The following WFDC1 variants were observed in gnomAD, a reference collection of about 807,000 sequenced individuals.
WFDC1 encodes the protein WAP four-disulfide core domain 1.
Under a neutral mutation model 32.9 loss-of-function variants are expected in WFDC1, and 39 were observed. The ratio of observed to expected loss-of-function variants is 1.19; its 90% CI spans 0.92 to 1.55. WFDC1 has a LOEUF of 1.55. WFDC1 is among the 40% of genes most tolerant of loss of function. WFDC1 has a pLI of 0.00. For missense variants in WFDC1, 386 were observed against 309.5 expected (o/e 1.25, Z -1.85); for synonymous variants, 184 against 137.4 (o/e 1.34, Z -2.37).
intron 2 of WFDC1, among the ~76,000 whole-genome samples, chr16:84,314,644 C>G (rs1597682174): frequency 6.6e-6 from 1 of 152,338 alleles, no homozygotes; most frequent in South Asian, 2.1e-4. Context: ...TAATGCTCAT[C>G]AAGACAGACA....
At chr16:84,298,347 G>A (rs1043993909) in intron 1 of WFDC1, among the ~76,000 whole-genome samples, 1 of 152,010 alleles carries the variant, frequency 6.6e-6, no homozygotes, top group African/African-American at 2.4e-5. Context: ...CGCCCGCCTC[G>A]GCCTCCCAAA....
chr16:84,323,113 C>T (rs1196208465), intron 4 of WFDC1, among the ~76,000 whole-genome samples: 1 of 152,158 alleles, frequency 6.6e-6, no homozygotes, highest in Middle Eastern at 3.2e-3. Flanking sequence ...CTACAAAAAC[C>T]TTAGCCATTT....
chr16:84,311,405 T>A (rs1007903266), intron 1 of WFDC1, among the ~76,000 whole-genome samples: 1 of 147,146 alleles, frequency 6.8e-6, no homozygotes, highest in Non-Finnish European at 1.5e-5. Flanking sequence ...TTTTTTTGTA[T>A]TTTTAGTAGA....
chr16:84,314,985 C>T (rs1007680757), intron 2 of WFDC1, among the ~76,000 whole-genome samples: 2 of 152,232 alleles, frequency 1.3e-5, no homozygotes, highest in African/African-American at 4.8e-5. Flanking sequence ...GTTATCAGCC[C>T]TGTGTCACAA....
chr16:84,325,454 C>T (rs546944761), intron 5 of WFDC1, among the ~76,000 whole-genome samples: 11 of 152,146 alleles, frequency 7.2e-5, no homozygotes, highest in African/African-American at 2.2e-4. Flanking sequence ...CTGCCCGCCT[C>T]GGCCTCCCAA....
chr16:84,317,988 C>T (rs1422927007), intron 2 of WFDC1: 5 of 345,052 alleles, frequency 1.4e-5, no homozygotes, highest in South Asian at 9.7e-5. Context: ...CAGAGAGCCC[C>T]GATTGGAGGG....
In WFDC1 at chr16:84,326,869, GTTC is replaced by G; in HGVS notation, c.605-10_605-8del. 3.1e-6 allele frequency: 5 copies of G among 1,614,056 alleles called. No individual in the cohort carries two copies. The highest frequency in any genetic ancestry group is 3.4e-6 in the Non-Finnish European group (4 of 1,179,996). On this transcript the variant is annotated splice_polypyrimidine_tract_variant and intron_variant, in intron 5 of 6. Coordinates refer to ENST00000219454, the MANE Select transcript of WFDC1 (RefSeq NM_021197.4). ...GATACATCTACCCCAACAGAGCTGT[GTTC>G]TTTTCACAGAAGGTGACTCAAAGAA... is the stretch of plus-strand genomic sequence containing the variant.
At chr16:84,314,541 G>T (rs1907839212) in intron 2 of WFDC1, among the ~76,000 whole-genome samples, 1 of 152,096 alleles carries the variant, frequency 6.6e-6, no homozygotes, top group Non-Finnish European at 1.5e-5. Flanking sequence ...GTCAGAGATG[G>T]CAAGGATGAC....
chr16:84,295,728 GC>G (rs1906556477), intron 1 of WFDC1: 1 of 152,936 alleles, frequency 6.5e-6, no homozygotes, highest in Admixed American at 6.5e-5. Flanking sequence ...ATGCCCTGGG[GC>G]CAGATGTCTG....
At chr16:84,300,692 A>G (rs1048434108) in intron 1 of WFDC1, among the ~76,000 whole-genome samples, 26 of 152,350 alleles carry the variant, frequency 1.7e-4, no homozygotes, top group African/African-American at 5.8e-4. Flanking sequence ...AGAAGGGGCC[A>G]GGCATGGTGG....
chr16:84,299,958 G>A (rs146044981), intron 1 of WFDC1, among the ~76,000 whole-genome samples: 1 of 152,370 alleles, frequency 6.6e-6, no homozygotes, highest in African/African-American at 2.4e-5. Flanking sequence ...GTAGGGGACT[G>A]TAGGAGCCAG....
At chr16:84,326,658 G>A (rs1908618941) in intron 5 of WFDC1, 1 of 543,236 alleles carries the variant, frequency 1.8e-6, no homozygotes, top group African/African-American at 1.9e-5. Context: ...AGCTGTGGAG[G>A]TGGTGGGAGG....
chr16:84,325,806 C>T (rs1224551491), intron 5 of WFDC1: 1 of 152,234 alleles, frequency 6.6e-6, no homozygotes, highest in Non-Finnish European at 1.5e-5. Flanking sequence ...ATCCCTCCAT[C>T]CAACCATCCT....
intron 4 of WFDC1, among the ~76,000 whole-genome samples, chr16:84,323,973 G>A (rs1197995086): frequency 1.3e-5 from 2 of 152,142 alleles, no homozygotes; most frequent in African/African-American, 4.8e-5. Context: ...ATACAAAATT[G>A]ACTGGGTGTG....
chr16:84,320,156 T>A (rs1368573330), intron 4 of WFDC1, among the ~76,000 whole-genome samples: 1 of 152,204 alleles, frequency 6.6e-6, no homozygotes, highest in African/African-American at 2.4e-5. Flanking sequence ...ACACGACACA[T>A]TCAATATTTT....
Position 84,299,496 on chromosome 16 carries a change from C to A in WFDC1, c.144+4381C>A, listed in dbSNP as rs112291170. 8.7e-3 allele frequency among the ~76,000 whole-genome samples: 1,324 copies of A among 152,214 alleles called. 11 individuals are homozygous for A. The highest frequency in any genetic ancestry group is 0.044 in the Middle Eastern group (13 of 294). On this transcript the variant is annotated intron_variant, in intron 1 of 6. Coordinates refer to ENST00000219454, the MANE Select transcript of WFDC1 (RefSeq NM_021197.4). ...CAATAACCTTTCCATGGAGCTCAGTCGGTTCTGTGGACTTGGTGTTTTTGG... is the reference window on the plus strand; with the variant it reads ...CAATAACCTTTCCATGGAGCTCAGTAGGTTCTGTGGACTTGGTGTTTTTGG...
intron 4 of WFDC1, among the ~76,000 whole-genome samples, chr16:84,323,342 G>C (rs1908414249): frequency 6.6e-6 from 1 of 152,224 alleles, no homozygotes; most frequent in African/African-American, 2.4e-5. Flanking sequence ...AGAAAAGGCA[G>C]CGCTGATCAC....
At chr16:84,316,113 G>A (rs62050725) in intron 2 of WFDC1, 31,245 of 152,170 alleles carry the variant, frequency 0.21, 3,457 homozygotes, top group Non-Finnish European at 0.25. Flanking sequence ...TTCCTAACAC[G>A]TGGTCTGATG....
At chr16:84,327,816 T>C (rs534970352) in intron 6 of WFDC1, 3 of 152,368 alleles carry the variant, frequency 2.0e-5, no homozygotes, top group Admixed American at 6.5e-5. Context: ...AACTATCTGA[T>C]AGTCATGGTT....
Sources: allele counts gnomAD v4.1 joint callset (sites outside exome capture counted in the v4.1 genomes callset), GRCh38; gene constraint gnomAD v4.1.1; transcripts MANE v1.5; gene names NCBI Gene and HGNC (gene_info 2026-07-23, HGNC 2026-07-21).